Variants in TEX11 observed in about 807,000 individuals in gnomAD.
TEX11 encodes testis expressed 11.
A neutral mutation model predicts 84.4 loss-of-function variants in TEX11; 7 were observed. The observed-to-expected ratio is 0.08, with a 90% confidence interval of 0.05 to 0.16. The LOEUF is 0.16. Ranked by LOEUF, TEX11 falls within the 10% of genes least tolerant of loss-of-function variation. The probability of loss-of-function intolerance (pLI) is 1.00; values close to 1 mark genes in which losing one functional copy is unlikely to be tolerated. For missense variants in TEX11, 551 were observed against 660.5 expected, an observed-to-expected ratio of 0.83 and a Z score of 1.82; for synonymous variants, 264 against 222.8, an observed-to-expected ratio of 1.18 and a Z score of -1.64.
rs147425928 is a variant in TEX11, at chrX:70,626,800, C to T, written c.1609-1876G>A. ...GCTACTGGCAAGCATATTGCACTTC[C>T]GTAGTCATTCACTTTCTTACTTTTC... is the stretch of plus-strand genomic sequence containing the variant. On this transcript the variant is annotated intron_variant, in intron 18 of 29. Transcript: ENST00000374333. Among the ~76,000 whole-genome samples the T allele has an allele frequency of 5.1e-3, 570 of 112,297 alleles. 3 individuals carry two copies. Among genetic ancestry groups the T allele is most frequent in the African/African-American group, 0.017 (541 of 30,946 alleles).
chrX:70,866,769 G>A (rs373399400), intron 4 of TEX11, among the ~76,000 whole-genome samples: 169 of 111,879 alleles, frequency 1.5e-3, no homozygotes, highest in African/African-American at 4.9e-3. Flanking sequence ...GTAATCCGTC[G>A]CATAAACAGA....
At chrX:70,852,684 G>A (rs2091515102) in intron 7 of TEX11, among the ~76,000 whole-genome samples, 1 of 112,083 alleles carries the variant, frequency 8.9e-6, no homozygotes, top group Non-Finnish European at 1.9e-5. Context: ...CTGCAAATGA[G>A]AAGGCTCTTT....
At chrX:70,659,239 G>C (rs1232495628) in intron 16 of TEX11, among the ~76,000 whole-genome samples, 1 of 111,925 alleles carries the variant, frequency 8.9e-6, no homozygotes, top group Non-Finnish European at 1.9e-5. Context: ...AAAATCTACT[G>C]TTCTTCAAAA....
chrX:70,592,220 A>C (rs1173363229), intron 24 of TEX11, among the ~76,000 whole-genome samples: 1 of 107,808 alleles, frequency 9.3e-6, no homozygotes, highest in East Asian at 3.0e-4. Flanking sequence ...GAAAATGAAG[A>C]AACATTTATT....
chrX:70,573,294 T>C (rs978952661), intron 25 of TEX11, among the ~76,000 whole-genome samples: 1 of 111,731 alleles, frequency 9.0e-6, no homozygotes, highest in African/African-American at 3.3e-5. Context: ...TTATGCTGAC[T>C]ATGAGGCATG....
intron 7 of TEX11, among the ~76,000 whole-genome samples, chrX:70,841,823 C>G (rs1485436904): frequency 1.8e-5 from 2 of 111,488 alleles, no homozygotes; most frequent in African/African-American, 6.5e-5. Context: ...CACAGAAATA[C>G]AAACTACCAT....
chrX:70,612,590 T>C (rs2089274218), intron 20 of TEX11, among the ~76,000 whole-genome samples: 1 of 108,963 alleles, frequency 9.2e-6, no homozygotes, highest in African/African-American at 3.3e-5. Flanking sequence ...AAAAAATCTC[T>C]GCCCTTGAGG....
At chrX:70,781,213 G>C (rs1005325193) in intron 9 of TEX11, among the ~76,000 whole-genome samples, 2 of 111,970 alleles carry the variant, frequency 1.8e-5, no homozygotes, top group Non-Finnish European at 3.8e-5. Flanking sequence ...CAGACCTGCA[G>C]CTGAGGGACC....
rs755712532 is a variant in TEX11, at chrX:70,587,333, A to T, written c.2140+4418T>A. The stretch of plus-strand genomic sequence containing the variant: ...CCTCCCATCACAGGTCTGGAGGCCT[A>T]GGAGGGAAAAATGGTTTCCTGGGCC... On this transcript the variant is annotated intron_variant, in intron 25 of 29. Transcript: ENST00000374333. Among the ~76,000 whole-genome samples the T allele has an allele frequency of 2.7e-5, 3 of 112,223 alleles. No individual in the cohort carries two copies. In the South Asian group the frequency reaches 1.1e-3, roughly 42 times the overall value.
At chrX:70,820,789 A>G (rs942530212) in intron 8 of TEX11, among the ~76,000 whole-genome samples, 4 of 111,687 alleles carry the variant, frequency 3.6e-5, no homozygotes, top group African/African-American at 9.8e-5. Flanking sequence ...CCATGATCCA[A>G]TCACCTCCCA....
intron 8 of TEX11, among the ~76,000 whole-genome samples, chrX:70,819,086 C>T (rs1280794050): frequency 8.9e-6 from 1 of 111,808 alleles, no homozygotes; most frequent in East Asian, 2.8e-4. Flanking sequence ...TTTCCAAATT[C>T]ATTTTATGAA....
chrX:70,750,931 AAAATATATATATAT>A (rs1375071806), intron 9 of TEX11, among the ~76,000 whole-genome samples: 2 of 21,993 alleles, frequency 9.1e-5, no homozygotes, highest in African/African-American at 1.5e-4. Flanking sequence ...TAAAAAAAAA[AAAATATATATATAT>A]ATATATATAT....
At chrX:70,602,261 T>C (rs773116998) in intron 24 of TEX11, among the ~76,000 whole-genome samples, 2 of 111,620 alleles carry the variant, frequency 1.8e-5, no homozygotes, top group East Asian at 5.7e-4. Flanking sequence ...AAGAGAATTT[T>C]AGACCAATAT....
At chrX:70,747,229 T>C (rs1379970671) in intron 9 of TEX11, among the ~76,000 whole-genome samples, 4 of 111,644 alleles carry the variant, frequency 3.6e-5, no homozygotes, top group African/African-American at 1.3e-4. Flanking sequence ...GATGAAAAAA[T>C]CTAACTGGCT....
At chrX:70,552,271 A>G (rs2088225975) in intron 27 of TEX11, 25 bp from the exon 28 acceptor site, 1 of 1,199,114 alleles carries the variant, frequency 8.3e-7, no homozygotes, top group Non-Finnish European at 1.1e-6. Context: ...GAGAAAACTC[A>G]TCCCATAAGG....
chrX:70,825,138 C>G lies in TEX11; in HGVS notation c.606+8375G>C, dbSNP rs999401544. On this transcript the variant is annotated intron_variant, in intron 8 of 29. Coordinates refer to ENST00000374333, the MANE Select transcript of TEX11 (RefSeq NM_031276.3). The stretch of plus-strand genomic sequence containing the variant: ...ACCAGCCTGGCCAACATGGCGAAAC[C>G]CTGTCTCTACTAAAAATACAAAAAT... Among the ~76,000 whole-genome samples the G allele has an allele frequency of 2.7e-5, 3 of 109,827 alleles. No homozygotes were observed. In the South Asian group the frequency reaches 1.2e-3, roughly 43 times the overall value.
chrX:70,609,133 A>G lies in TEX11; in HGVS notation c.1837T>C (p.Leu613=), dbSNP rs1353341299. The G allele has an allele frequency of 5.8e-6, 7 of 1,204,833 alleles. No homozygotes were observed. In the African/African-American group the frequency reaches 7.0e-5, roughly 12 times the overall value. ...SQPFGEEALS[L]ESRANEAQWF... The stretch of plus-strand genomic sequence containing the variant: ...TGAGCTTCATTAGCTCTTGACTCCA[A>G]ACTTAAGGCTTCTTCACCAAAAGGC... The change falls in exon 22 of 30, where the codon TTG becomes CTG. Residue 613 remains leucine, a synonymous_variant. Coordinates refer to ENST00000374333, the MANE Select transcript of TEX11 (RefSeq NM_031276.3).
At chrX:70,515,156 A>C in the TEX11 span, among the ~76,000 whole-genome samples, 2 of 111,808 alleles carry the variant, frequency 1.8e-5, no homozygotes, top group Non-Finnish European at 3.8e-5. Flanking sequence ...TTTAGGGTAC[A>C]TGTGCACAAT....
chrX:70,679,708 A>G (rs373069654), intron 14 of TEX11, among the ~76,000 whole-genome samples: 2 of 104,639 alleles, frequency 1.9e-5, no homozygotes, highest in South Asian at 4.5e-4. Context: ...TCTGCCCGGC[A>G]GCCACCTCGT....
Sources: allele counts gnomAD v4.1 joint callset (sites outside exome capture counted in the v4.1 genomes callset), GRCh38; gene constraint gnomAD v4.1.1; transcripts MANE v1.5; gene names NCBI Gene and HGNC (gene_info 2026-07-23, HGNC 2026-07-21).